The following LRP1B variants were observed in gnomAD, a reference collection of about 807,000 sequenced individuals.
LRP1B encodes the protein low-density lipoprotein receptor-related protein 1B.
A neutral mutation model predicts 556.6 loss-of-function variants in LRP1B; 217 were observed. That is an observed-to-expected ratio of 0.39 (90% CI 0.35 to 0.44). The LOEUF (loss-of-function observed/expected upper bound fraction) is 0.44. Ranked by LOEUF, LRP1B falls within the 20% of genes least tolerant of loss-of-function variation. The pLI is 1.00. For synonymous variants in LRP1B, 2,047 were observed against 1,865.8 expected, an observed-to-expected ratio of 1.10 and a Z score of -2.50; for missense variants, 5,053 against 5,620.8, an observed-to-expected ratio of 0.90 and a Z score of 3.23.
chr2:141,483,929 T>C (rs1239458772), intron 2 of LRP1B, among the ~76,000 whole-genome samples: 1 of 151,258 alleles, frequency 6.6e-6, no homozygotes, highest in African/African-American at 2.4e-5. Flanking sequence ...TTCACTCTGA[T>C]GGTAGTTTCT....
chr2:142,075,460 T>A (rs1273104455), intron 1 of LRP1B, among the ~76,000 whole-genome samples: 1 of 152,098 alleles, frequency 6.6e-6, no homozygotes, highest in East Asian at 1.9e-4. Flanking sequence ...GACATTTCTG[T>A]CACATCTAAT....
At chr2:140,426,674 A>C (rs988656783) in intron 66 of LRP1B, among the ~76,000 whole-genome samples, 1 of 152,074 alleles carries the variant, frequency 6.6e-6, no homozygotes, top group African/African-American at 2.4e-5. Context: ...AATCTTATAA[A>C]ACAGCCCCAC....
chr2:141,252,820 G>A (rs1315632389), intron 4 of LRP1B, among the ~76,000 whole-genome samples: 1 of 152,044 alleles, frequency 6.6e-6, no homozygotes, highest in African/African-American at 2.4e-5. Flanking sequence ...ATACAGTTTT[G>A]AGAAAGCCTA....
Position 140,910,108 on chromosome 2 carries a change from C to A in LRP1B, c.3320-2031G>T, listed in dbSNP as rs189192241. 6.1e-3 allele frequency among the ~76,000 whole-genome samples: 857 copies of A among 141,526 alleles called. 11 individuals are homozygous for A. The highest frequency in any genetic ancestry group is 0.02 in the African/African-American group (786 of 39,462). The allele number at this position is 141,526 out of a possible 152,430, so 92.8% of individuals were successfully genotyped here. A position where few individuals can be genotyped will look rare whatever the true frequency, so the allele number is the denominator to read the frequency against. ...TTCAGAATCTTACCAAAACAAAAAACAAAACAGAGGAATCTTAATGAGTAG... is the reference window on the plus strand; with the variant it reads ...TTCAGAATCTTACCAAAACAAAAAAAAAAACAGAGGAATCTTAATGAGTAG... On this transcript the variant is annotated intron_variant, in intron 21 of 90. Coordinates refer to ENST00000389484, the MANE Select transcript of LRP1B (RefSeq NM_018557.3).
chr2:140,669,155 G>T (rs185155512), intron 41 of LRP1B, among the ~76,000 whole-genome samples: 100 of 152,240 alleles, frequency 6.6e-4, no homozygotes, highest in African/African-American at 2.3e-3. Context: ...CACGGACATG[G>T]TAGTAGGAAT....
chr2:141,066,350 A>G lies in LRP1B; in HGVS notation c.1014-4077T>C, dbSNP rs540365403. Among the ~76,000 whole-genome samples the G allele has an allele frequency of 4.6e-5, 7 of 152,102 alleles. No individual in the cohort carries two copies. The South Asian group carries it at 1.4e-3, about 32-fold the overall frequency. On this transcript the variant is annotated intron_variant, in intron 7 of 90. Coordinates refer to ENST00000389484, the MANE Select transcript of LRP1B (RefSeq NM_018557.3). ...CAGTCATATAAGTTTTATACAGTTG[A>G]GGATAGTAAGAAACTTCGAGTATTA...
intron 1 of LRP1B, among the ~76,000 whole-genome samples, chr2:142,088,464 T>C (rs908076475): frequency 1.7e-4 from 26 of 152,172 alleles, no homozygotes; most frequent in African/African-American, 6.3e-4. Context: ...ACTCTACTAG[T>C]TAATGTGAAA....
intron 2 of LRP1B, 94 bp downstream of exon 2, chr2:141,810,159 AAGAAAGAAGGAAAGAAAGAAAGAAAG>A: frequency 6.8e-6 from 3 of 441,174 alleles, no homozygotes; most frequent in Non-Finnish European, 9.2e-6. Context: ...GAAAGAAAGA[AAGAAAGAAGGAAAGAAAGAAAGAAAG>A]AATCATCTAG....
intron 82 of LRP1B, among the ~76,000 whole-genome samples, chr2:140,318,293 T>C (rs956890958): frequency 6.6e-6 from 1 of 152,152 alleles, no homozygotes; most frequent in African/African-American, 2.4e-5. Context: ...AAAGGCTAAT[T>C]TGAGTGTTGT....
chr2:141,018,999 A>G (rs1697990215), intron 12 of LRP1B, among the ~76,000 whole-genome samples: 1 of 152,028 alleles, frequency 6.6e-6, no homozygotes, highest in Non-Finnish European at 1.5e-5. Flanking sequence ...AAGAAAATCT[A>G]TTTTTTGATG....
At chr2:141,284,742 G>A (rs1573753477) in intron 3 of LRP1B, among the ~76,000 whole-genome samples, 1 of 152,090 alleles carries the variant, frequency 6.6e-6, no homozygotes, top group Non-Finnish European at 1.5e-5. Flanking sequence ...ACCTTGGCTT[G>A]TTTTGGAACA....
intron 1 of LRP1B, among the ~76,000 whole-genome samples, chr2:142,041,069 C>G (rs1227406317): frequency 5.3e-5 from 8 of 151,410 alleles, no homozygotes; most frequent in African/African-American, 9.7e-5. Flanking sequence ...TTTCCTTAGC[C>G]TGGAAAAACA....
chr2:142,112,506 T>G (rs916755798), intron 1 of LRP1B, among the ~76,000 whole-genome samples: 1 of 151,896 alleles, frequency 6.6e-6, no homozygotes, highest in Non-Finnish European at 1.5e-5. Context: ...GGGAGGGAAA[T>G]AAAGAAGATG....
At chr2:140,694,557 C>T (rs566615317) in intron 41 of LRP1B, among the ~76,000 whole-genome samples, 16 of 152,220 alleles carry the variant, frequency 1.1e-4, no homozygotes, top group Non-Finnish European at 1.5e-4. Context: ...TTATTCTTAA[C>T]GCTTACAGCA....
At chr2:141,447,230 C>T (rs528991634) in intron 3 of LRP1B, among the ~76,000 whole-genome samples, 14 of 151,656 alleles carry the variant, frequency 9.2e-5, no homozygotes, top group Admixed American at 2.0e-4. Flanking sequence ...GTATGCTTCA[C>T]GAAGTACTCG....
intron 66 of LRP1B, among the ~76,000 whole-genome samples, chr2:140,429,835 A>G (rs1685839936): frequency 1.3e-5 from 2 of 152,042 alleles, no homozygotes; most frequent in South Asian, 2.1e-4. Flanking sequence ...ATCACAAACT[A>G]TGCTCAACTC....
chr2:142,041,954 G>T (rs948591891), intron 1 of LRP1B, among the ~76,000 whole-genome samples: 1 of 151,478 alleles, frequency 6.6e-6, no homozygotes, highest in African/African-American at 2.4e-5. Flanking sequence ...ACTGTGCCTT[G>T]TTGTAGGGGA....
intron 2 of LRP1B, among the ~76,000 whole-genome samples, chr2:141,728,359 G>A (rs561410149): frequency 6.6e-6 from 1 of 152,164 alleles, no homozygotes. Context: ...CCTTGGGCAT[G>A]ATCTCGCCCT....
At chr2:141,128,894 G>C (rs755285380) in intron 7 of LRP1B, among the ~76,000 whole-genome samples, 5 of 152,208 alleles carry the variant, frequency 3.3e-5, no homozygotes, top group Non-Finnish European at 4.4e-5. Context: ...CACCACATAA[G>C]TTATATCATC....
Sources: gnomAD v4.1 joint callset for allele counts (sites outside exome capture counted in the v4.1 genomes callset) on GRCh38, gnomAD v4.1.1 for gene constraint, MANE v1.5 for transcripts, NCBI Gene and HGNC (gene_info 2026-07-23, HGNC 2026-07-21) for gene names.